The following CSMD1 variants were observed in gnomAD, a reference collection of about 807,000 sequenced individuals.
CSMD1 encodes CUB and Sushi multiple domains 1, also known as CUB and sushi domain-containing protein 1.
CSMD1 carries 213 observed loss-of-function variants against 417.5 expected under a neutral mutation model. The ratio of observed to expected loss-of-function variants is 0.51; its 90% CI spans 0.46 to 0.57. The LOEUF is 0.57. Ranked by LOEUF, CSMD1 falls within the 20% of genes least tolerant of loss-of-function variation. The pLI is 0.00. For missense variants in CSMD1, 6,923 were observed against 4,529.7 expected, an observed-to-expected ratio of 1.53 and a Z score of -15.17; for synonymous variants, 2,862 against 1,736.8, an observed-to-expected ratio of 1.65 and a Z score of -16.11.
intron 5 of CSMD1, among the ~76,000 whole-genome samples, chr8:3,969,973 AG>A (rs144643190): frequency 0.02 from 3,025 of 152,342 alleles, 54 homozygotes; most frequent in Middle Eastern, 0.048. Context: ...CACTCAGGGA[AG>A]AGTTGTCAGT....
chr8:4,570,143 C>T (rs1259315170), intron 2 of CSMD1, among the ~76,000 whole-genome samples: 1 of 152,102 alleles, frequency 6.6e-6, no homozygotes, highest in South Asian at 2.1e-4. Flanking sequence ...TTTCTCTTGC[C>T]TGATTGCCCT....
At chr8:4,729,656 C>T (rs997837096) in intron 1 of CSMD1, among the ~76,000 whole-genome samples, 11 of 152,160 alleles carry the variant, frequency 7.2e-5, no homozygotes, top group African/African-American at 2.7e-4. Context: ...GCATGAGTAT[C>T]TATTTGGCAA....
chr8:3,294,247 C>A (rs1218237675), intron 25 of CSMD1, among the ~76,000 whole-genome samples: 1 of 152,060 alleles, frequency 6.6e-6, no homozygotes, highest in Non-Finnish European at 1.5e-5. Flanking sequence ...GGGGGTGCCT[C>A]CCAGTTAGGC....
chr8:4,423,943 C>T (rs970842656), intron 2 of CSMD1, among the ~76,000 whole-genome samples: 1 of 151,956 alleles, frequency 6.6e-6, no homozygotes, highest in Admixed American at 6.6e-5. Flanking sequence ...TTATTTTCAA[C>T]AGATTCAAAA....
At chr8:4,911,678 T>A (rs1313627765) in intron 1 of CSMD1, among the ~76,000 whole-genome samples, 2 of 152,180 alleles carry the variant, frequency 1.3e-5, no homozygotes, top group Admixed American at 6.5e-5. Flanking sequence ...TCTGCATAAA[T>A]AGACTGAAAT....
At position 4,578,646 on chromosome 8, in the gene CSMD1, C is replaced by A. The variant is rs1052343704; in HGVS notation, c.302+58696G>T. Among the ~76,000 whole-genome samples, 3 of 151,054 alleles carry A rather than the reference C, an allele frequency of 2.0e-5. No individual in the cohort carries two copies. The Middle Eastern group carries it at 0.01, about 517-fold the overall frequency. On this transcript the variant is annotated intron_variant, in intron 2 of 69. Coordinates refer to ENST00000635120, the MANE Select transcript of CSMD1 (RefSeq NM_033225.6). ...CCTGGCCAACATGGTGAAACCCCAT[C>A]TCTACCAAAAATACAAAAATTAGCT...
intron 25 of CSMD1, among the ~76,000 whole-genome samples, chr8:3,304,231 T>C (rs973616948): frequency 1.3e-5 from 2 of 152,164 alleles, no homozygotes; most frequent in East Asian, 1.9e-4. Flanking sequence ...CCTGTGTTCA[T>C]ATTTATATGA....
chr8:3,249,252 C>T (rs1380569108), intron 26 of CSMD1, among the ~76,000 whole-genome samples: 1 of 152,118 alleles, frequency 6.6e-6, no homozygotes, highest in African/African-American at 2.4e-5. Flanking sequence ...GATAGAGACT[C>T]ACTCTGTTGC....
At chr8:4,683,745 A>C (rs1486988110) in intron 1 of CSMD1, among the ~76,000 whole-genome samples, 1 of 152,164 alleles carries the variant, frequency 6.6e-6, no homozygotes, top group Non-Finnish European at 1.5e-5. Context: ...CCATTTTTGC[A>C]CAATTAGCTC....
At chr8:4,796,525 A>T (rs1293118159) in intron 1 of CSMD1, among the ~76,000 whole-genome samples, 1 of 151,576 alleles carries the variant, frequency 6.6e-6, no homozygotes, top group Non-Finnish European at 1.5e-5. Flanking sequence ...CCTGGGAGCC[A>T]TCCCTCAGAC....
At chr8:4,381,756 G>T (rs1209795147) in intron 3 of CSMD1, among the ~76,000 whole-genome samples, 1 of 152,032 alleles carries the variant, frequency 6.6e-6, no homozygotes, top group Non-Finnish European at 1.5e-5. Flanking sequence ...ATGTTTTTTT[G>T]TTTTGTTTTT....
chr8:4,835,370 G>C (rs112813393), intron 1 of CSMD1, among the ~76,000 whole-genome samples: 1 of 152,180 alleles, frequency 6.6e-6, no homozygotes, highest in South Asian at 2.1e-4. Flanking sequence ...AGATTCTGAG[G>C]TTAGTAATTT....
intron 2 of CSMD1, among the ~76,000 whole-genome samples, chr8:4,631,877 C>A (rs542330147): frequency 1.3e-5 from 2 of 152,126 alleles, no homozygotes; most frequent in Admixed American, 6.5e-5. Flanking sequence ...TTGTATTTTA[C>A]AATAATCATG....
At chr8:4,076,930 T>TA (rs926051657) in intron 3 of CSMD1, among the ~76,000 whole-genome samples, 7 of 152,224 alleles carry the variant, frequency 4.6e-5, no homozygotes, top group South Asian at 2.1e-4. Flanking sequence ...TGGATATCAG[T>TA]AAAAAAATCT....
At chr8:3,586,859 G>C (rs913339288) in intron 8 of CSMD1, among the ~76,000 whole-genome samples, 1 of 152,156 alleles carries the variant, frequency 6.6e-6, no homozygotes. Context: ...GAGTGCAGTG[G>C]CACGACCTTG....
At chr8:3,802,707 G>C (rs1405476689) in intron 5 of CSMD1, among the ~76,000 whole-genome samples, 2 of 152,098 alleles carry the variant, frequency 1.3e-5, no homozygotes, top group Non-Finnish European at 2.9e-5. Context: ...TATAGTGCTT[G>C]ACAATTTTAA....
At chr8:4,592,771 T>A (rs1472282091) in intron 2 of CSMD1, among the ~76,000 whole-genome samples, 3 of 152,334 alleles carry the variant, frequency 2.0e-5, no homozygotes, top group African/African-American at 7.2e-5. Context: ...ATATTTATAC[T>A]TAGTTAAAAT....
At chr8:4,121,007 T>C (rs746467409) in intron 3 of CSMD1, among the ~76,000 whole-genome samples, 8 of 152,226 alleles carry the variant, frequency 5.3e-5, no homozygotes, top group Non-Finnish European at 1.2e-4. Flanking sequence ...TTTGATGGCT[T>C]GGTTTATTAA....
chr8:4,493,680 G>C (rs1043059631), intron 2 of CSMD1, among the ~76,000 whole-genome samples: 4 of 152,194 alleles, frequency 2.6e-5, no homozygotes, highest in African/African-American at 9.6e-5. Flanking sequence ...GAGTGAGAGA[G>C]TGCAACTCTA....
Sources: allele counts gnomAD v4.1 joint callset (sites outside exome capture counted in the v4.1 genomes callset), GRCh38; gene constraint gnomAD v4.1.1; transcripts MANE v1.5; gene names NCBI Gene and HGNC (gene_info 2026-07-23, HGNC 2026-07-21).